AP2B1: variants seen among roughly 807,000 people sequenced by gnomAD.
AP2B1 encodes the protein AP-2 complex subunit beta.
Under a neutral mutation model 102.0 loss-of-function variants are expected in AP2B1, and 23 were observed. The ratio of observed to expected loss-of-function variants is 0.23; its 90% CI spans 0.16 to 0.32. The LOEUF (loss-of-function observed/expected upper bound fraction) is 0.32, where lower values mean the gene tolerates loss of function less well. AP2B1 is among the 10% of genes least tolerant of loss of function. The probability of loss-of-function intolerance (pLI) is 1.00; values close to 1 mark genes in which losing one functional copy is unlikely to be tolerated. For synonymous variants in AP2B1, 381 were observed against 421.2 expected (o/e 0.90, Z 1.17); for missense variants, 541 against 1,157.4 (o/e 0.47, Z 7.73).
rs149813292 is a variant in AP2B1 at position 35,643,892 on chromosome 17, C to G, written c.1536+1917C>G. On this transcript the variant is annotated intron_variant, in intron 12 of 21. Coordinates refer to ENST00000610402, the MANE Select transcript of AP2B1 (RefSeq NM_001030006.2). ...TGGATTTTTCTGTGTATCAGTGTAG[C>G]ATGCCTGATCAGCTTTCTTTTCCAT... Among the ~76,000 whole-genome samples the G allele has an allele frequency of 3.3e-5, 5 of 152,300 alleles. No homozygotes were observed. In the East Asian group the frequency reaches 9.7e-4, roughly 29 times the overall value.
intron 19 of AP2B1, 42 bp downstream of exon 19, chr17:35,709,350 C>T (rs782279503): frequency 1.3e-6 from 2 of 1,537,990 alleles, no homozygotes; most frequent in Admixed American, 1.7e-5. Flanking sequence ...TACCTTTGCC[C>T]TTCCTGTGCA....
At chr17:35,616,587 G>A (rs1311359700) in intron 5 of AP2B1, among the ~76,000 whole-genome samples, 1 of 152,246 alleles carries the variant, frequency 6.6e-6, no homozygotes, top group East Asian at 1.9e-4. Context: ...TTACGTAACC[G>A]TGGTACATTT....
chr17:35,672,437 G>C (rs1288802287), intron 16 of AP2B1, among the ~76,000 whole-genome samples: 1 of 152,180 alleles, frequency 6.6e-6, no homozygotes, highest in African/African-American at 2.4e-5. Context: ...GAAACTCCCG[G>C]TTAATGAAGC....
At chr17:35,605,664 A>C (rs1335992879) in intron 3 of AP2B1, 41 bp from the exon 4 acceptor site, 1 of 1,483,266 alleles carries the variant, frequency 6.7e-7, no homozygotes, top group Non-Finnish European at 9.3e-7. Flanking sequence ...TGGCACCAAC[A>C]CCTGCTTACT....
At chr17:35,635,685 G>A (rs2074587652) in intron 9 of AP2B1, among the ~76,000 whole-genome samples, 1 of 152,098 alleles carries the variant, frequency 6.6e-6, no homozygotes, top group Non-Finnish European at 1.5e-5. Flanking sequence ...ACAGTGCCTG[G>A]CCTTTTGTTT....
At chr17:35,688,166 TTA>T (rs2075973465) in intron 18 of AP2B1, among the ~76,000 whole-genome samples, 1 of 152,110 alleles carries the variant, frequency 6.6e-6, no homozygotes, top group Admixed American at 6.6e-5. Flanking sequence ...GGATCTCCTG[TTA>T]TAGTGTCCTT....
chr17:35,634,795 A>G (rs549308345), intron 9 of AP2B1, among the ~76,000 whole-genome samples: 1 of 152,296 alleles, frequency 6.6e-6, no homozygotes, highest in East Asian at 1.9e-4. Context: ...GAAAGCTCCT[A>G]CAAAATTTGG....
At chr17:35,711,396 G>A (rs1447778066) in intron 20 of AP2B1, among the ~76,000 whole-genome samples, 1 of 149,724 alleles carries the variant, frequency 6.7e-6, no homozygotes, top group Non-Finnish European at 1.5e-5. Flanking sequence ...GAGGCAACAC[G>A]GCAGCACAGA....
In AP2B1 at chr17:35,683,559, A is replaced by G. The variant is rs587641528; in HGVS notation, c.2454+735A>G. Among the ~76,000 whole-genome samples the G allele has an allele frequency of 4.6e-5, 7 of 152,332 alleles. No individual in the cohort carries two copies. The South Asian group carries it at 1.5e-3, about 32-fold the overall frequency. ...ATCTTAGAAGAATTTTATGTGGTCT[A>G]CAAGAGCCTCTTTATCTTGAAAATG... On this transcript the variant is annotated intron_variant, in intron 18 of 21. Transcript: ENST00000610402.
chr17:35,688,691 C>T (rs751514578), intron 18 of AP2B1, among the ~76,000 whole-genome samples: 3 of 152,176 alleles, frequency 2.0e-5, no homozygotes, highest in Non-Finnish European at 4.4e-5. Flanking sequence ...GGAACAGGCA[C>T]AGTGGCTCAC....
intron 9 of AP2B1, among the ~76,000 whole-genome samples, chr17:35,631,779 T>C (rs1177181384): frequency 6.6e-6 from 1 of 152,246 alleles, no homozygotes; most frequent in Non-Finnish European, 1.5e-5. Context: ...CTTTGAACTC[T>C]AGTTGAAGTG....
intron 11 of AP2B1, 84 bp from the exon 12 acceptor site, chr17:35,641,793 T>C (rs530288528): frequency 9.0e-6 from 9 of 995,588 alleles, no homozygotes; most frequent in Admixed American, 4.3e-5. Flanking sequence ...TAATTCATAG[T>C]TGGGGAAACA....
chr17:35,672,712 G>T (rs933747070), intron 16 of AP2B1, among the ~76,000 whole-genome samples: 1 of 152,200 alleles, frequency 6.6e-6, no homozygotes, highest in Non-Finnish European at 1.5e-5. Context: ...TAGCTTTGTT[G>T]TAAGGTTTAC....
At chr17:35,698,686 C>T (rs2076185667) in intron 18 of AP2B1, among the ~76,000 whole-genome samples, 1 of 152,174 alleles carries the variant, frequency 6.6e-6, no homozygotes, top group Non-Finnish European at 1.5e-5. Flanking sequence ...GGTAGTCTTT[C>T]ATGAAAATTG....
chr17:35,693,302 G>A (rs947624644), intron 18 of AP2B1, among the ~76,000 whole-genome samples: 3 of 152,028 alleles, frequency 2.0e-5, no homozygotes, highest in African/African-American at 4.8e-5. Context: ...AATTACAGGC[G>A]TTAGCCACCA....
At chr17:35,666,145 G>C (rs1041970464) in intron 14 of AP2B1, among the ~76,000 whole-genome samples, 1 of 152,116 alleles carries the variant, frequency 6.6e-6, no homozygotes, top group African/African-American at 2.4e-5. Context: ...GCTCAGCTCT[G>C]AGACTTTTGG....
chr17:35,678,036 AT>A, intron 17 of AP2B1, among the ~76,000 whole-genome samples: 1 of 151,840 alleles, frequency 6.6e-6, no homozygotes, highest in East Asian at 1.9e-4. Context: ...ATTTTTGTGT[AT>A]TTAGTAGAGG....
Position 35,722,060 on chromosome 17 carries a change from G to GC in AP2B1, c.2782-1564dup, listed in dbSNP as rs587737974. 9.3e-4 allele frequency among the ~76,000 whole-genome samples: 141 copies of GC among 152,178 alleles called. 4 individuals carry two copies. The East Asian group carries it at 0.018, about 20-fold the overall frequency. On this transcript the variant is annotated intron_variant, in intron 21 of 21. Transcript: ENST00000610402. ...GTTCGAGACCAGCCTGGCCAACATG[G>GC]CAAAACCCCTTCTCTACTAAAAAGA...
At chr17:35,619,819 C>G (rs1048659570) in intron 5 of AP2B1, among the ~76,000 whole-genome samples, 5 of 151,964 alleles carry the variant, frequency 3.3e-5, no homozygotes, top group African/African-American at 1.2e-4. Context: ...GAGTCTCATT[C>G]TGTTGTCCAG....
Sources: allele counts gnomAD v4.1 joint callset (sites outside exome capture counted in the v4.1 genomes callset), GRCh38; gene constraint gnomAD v4.1.1; transcripts MANE v1.5; gene names NCBI Gene and HGNC (gene_info 2026-07-23, HGNC 2026-07-21).